SMYD3: variants seen among roughly 807,000 people sequenced by gnomAD.
The protein encoded by SMYD3 is SET and MYND domain containing 3.
A neutral mutation model predicts 57.7 loss-of-function variants in SMYD3; 36 were observed. The ratio of observed to expected loss-of-function variants is 0.62; its 90% CI spans 0.48 to 0.82. The LOEUF (loss-of-function observed/expected upper bound fraction) is 0.82. SMYD3 is among the 40% of genes least tolerant of loss of function. SMYD3 has a pLI of 0.00. For missense variants in SMYD3, 515 were observed against 538.8 expected, an observed-to-expected ratio of 0.96 and a Z score of 0.44; for synonymous variants, 211 against 195.0, an observed-to-expected ratio of 1.08 and a Z score of -0.68.
chr1:246,462,886 A>G (rs1256553158), intron 1 of SMYD3, among the ~76,000 whole-genome samples: 1 of 152,184 alleles, frequency 6.6e-6, no homozygotes, highest in African/African-American at 2.4e-5. Flanking sequence ...AAAAAGAAAG[A>G]AAAAAATGGT....
At chr1:245,882,594 C>A (rs2052847073) in intron 8 of SMYD3, among the ~76,000 whole-genome samples, 1 of 152,024 alleles carries the variant, frequency 6.6e-6, no homozygotes, top group Non-Finnish European at 1.5e-5. Flanking sequence ...AATTTAATGA[C>A]TACAAAATAA....
intron 1 of SMYD3, among the ~76,000 whole-genome samples, chr1:246,459,024 G>A (rs1488974101): frequency 6.6e-6 from 1 of 152,068 alleles, no homozygotes; most frequent in Non-Finnish European, 1.5e-5. Context: ...ATATCCAATT[G>A]TAATCCCCGT....
At chr1:246,456,723 G>A (rs1355491831) in intron 1 of SMYD3, among the ~76,000 whole-genome samples, 1 of 152,206 alleles carries the variant, frequency 6.6e-6, no homozygotes, top group African/African-American at 2.4e-5. Flanking sequence ...GGACCAGAAG[G>A]TGAGTGATAG....
At chr1:246,078,929 G>A (rs2060591796) in intron 5 of SMYD3, among the ~76,000 whole-genome samples, 1 of 152,054 alleles carries the variant, frequency 6.6e-6, no homozygotes, top group Admixed American at 6.6e-5. Context: ...TCAGACAGAA[G>A]AATGTCTCAT....
intron 5 of SMYD3, among the ~76,000 whole-genome samples, chr1:246,156,681 ATGC>A (rs1393924154): frequency 3.3e-5 from 5 of 152,226 alleles, no homozygotes; most frequent in Non-Finnish European, 7.3e-5. Flanking sequence ...TTTGCAAGAA[ATGC>A]TGTGTTTCCT....
chr1:245,936,414 T>C (rs930406078), intron 5 of SMYD3, among the ~76,000 whole-genome samples: 1 of 152,018 alleles, frequency 6.6e-6, no homozygotes, highest in African/African-American at 2.4e-5. Flanking sequence ...CAGTGTGTGA[T>C]TTGGAATGTG....
rs116156532 is a variant in SMYD3, at chr1:245,769,820, C to A, written c.1077-5671G>T. The stretch of plus-strand genomic sequence containing the variant: ...CAAGACGTTAGTTCCAGGATCCCCA[C>A]AAATACCAACATCTGTGGATGTTTA... On this transcript the variant is annotated intron_variant, in intron 10 of 11. Coordinates refer to ENST00000490107, the MANE Select transcript of SMYD3 (RefSeq NM_001167740.2). 5.7e-3 allele frequency among the ~76,000 whole-genome samples: 863 copies of A among 150,594 alleles called. 6 individuals carry two copies. Among genetic ancestry groups the A allele is most frequent in the African/African-American group, 0.019 (771 of 41,296 alleles).
chr1:246,361,028 G>T (rs59327892), intron 1 of SMYD3, among the ~76,000 whole-genome samples: 23,735 of 152,140 alleles, frequency 0.16, 2,110 homozygotes, highest in East Asian at 0.3. Flanking sequence ...CAGAGTGGGA[G>T]AAAATCTTCA....
At chr1:246,399,558 G>A (rs753837175) in intron 1 of SMYD3, among the ~76,000 whole-genome samples, 3 of 151,962 alleles carry the variant, frequency 2.0e-5, no homozygotes, top group South Asian at 2.1e-4. Context: ...TGCCCAAGCC[G>A]GTCTCGAACT....
chr1:246,265,797 C>T (rs1178964768), intron 5 of SMYD3, among the ~76,000 whole-genome samples: 4 of 152,188 alleles, frequency 2.6e-5, no homozygotes, highest in Admixed American at 2.0e-4. Context: ...AAAATACTCC[C>T]GCAGTGCTTG....
intron 5 of SMYD3, among the ~76,000 whole-genome samples, chr1:246,003,827 G>A (rs2059123728): frequency 6.6e-6 from 1 of 152,136 alleles, no homozygotes; most frequent in Non-Finnish European, 1.5e-5. Context: ...GTTTTCCCAT[G>A]TGATTCTCTT....
intron 10 of SMYD3, among the ~76,000 whole-genome samples, chr1:245,833,065 A>G: frequency 1.1e-5 from 1 of 87,374 alleles, no homozygotes; most frequent in African/African-American, 2.7e-5. Flanking sequence ...GTGACAAAAA[A>G]AAAAAAAAAA....
intron 5 of SMYD3, among the ~76,000 whole-genome samples, chr1:246,312,452 G>A (rs2065095622): frequency 6.6e-6 from 1 of 152,100 alleles, no homozygotes; most frequent in Non-Finnish European, 1.5e-5. Flanking sequence ...ATAGAGTCAA[G>A]AGATCTTTAA....
intron 5 of SMYD3, among the ~76,000 whole-genome samples, chr1:245,986,733 A>G (rs747515872): frequency 1.3e-4 from 20 of 152,192 alleles, no homozygotes; most frequent in Non-Finnish European, 2.2e-4. Context: ...CCACGCCCAC[A>G]TGCAAGGCTG....
chr1:245,984,332 A>T (rs2058660092), intron 5 of SMYD3, among the ~76,000 whole-genome samples: 2 of 152,058 alleles, frequency 1.3e-5, no homozygotes, highest in South Asian at 4.2e-4. Context: ...AATGGACAAA[A>T]CTGCTTCCTA....
chr1:246,018,553 T>C (rs1411509701), intron 5 of SMYD3, among the ~76,000 whole-genome samples: 3 of 152,212 alleles, frequency 2.0e-5, no homozygotes, highest in Non-Finnish European at 4.4e-5. Flanking sequence ...TCTGTAAAAA[T>C]TGTGCTTCAC....
At chr1:246,488,697 T>C (rs1012301403) in intron 1 of SMYD3, among the ~76,000 whole-genome samples, 1 of 151,930 alleles carries the variant, frequency 6.6e-6, no homozygotes, top group African/African-American at 2.4e-5. Context: ...AAAGAAAAAA[T>C]AAAAATAGAG....
At chr1:246,486,636 A>C (rs1308668470) in intron 1 of SMYD3, among the ~76,000 whole-genome samples, 2 of 152,222 alleles carry the variant, frequency 1.3e-5, no homozygotes, top group African/African-American at 4.8e-5. Flanking sequence ...AAAGAGATTA[A>C]GTGATTTGCC....
intron 10 of SMYD3, among the ~76,000 whole-genome samples, chr1:245,833,155 C>T (rs2049944392): frequency 1.3e-5 from 2 of 150,914 alleles, no homozygotes; most frequent in Admixed American, 6.6e-5. Context: ...AGAAAAGTTG[C>T]AAAGATAGTA....
Sources: gnomAD v4.1 joint callset for allele counts (sites outside exome capture counted in the v4.1 genomes callset) on GRCh38, gnomAD v4.1.1 for gene constraint, MANE v1.5 for transcripts, NCBI Gene and HGNC (gene_info 2026-07-23, HGNC 2026-07-21) for gene names.